The following IL1RAPL2 variants were observed in gnomAD, a reference collection of about 807,000 sequenced individuals.
IL1RAPL2 encodes X-linked interleukin-1 receptor accessory protein-like 2.
Under a neutral mutation model 44.1 loss-of-function variants are expected in IL1RAPL2, and 3 were observed. The observed-to-expected ratio is 0.07, with a 90% CI of 0.03 to 0.18. The LOEUF is 0.18. Ranked by LOEUF, IL1RAPL2 falls within the 10% of genes least tolerant of loss-of-function variation. The probability of loss-of-function intolerance (pLI) is 1.00; values close to 1 mark genes in which losing one functional copy is unlikely to be tolerated. For synonymous variants in IL1RAPL2, 181 were observed against 178.8 expected, an observed-to-expected ratio of 1.01 and a Z score of -0.10; for missense variants, 391 against 496.4, an observed-to-expected ratio of 0.79 and a Z score of 2.02.
chrX:105,505,372 T>A (rs1284275269), intron 6 of IL1RAPL2, among the ~76,000 whole-genome samples: 1 of 111,547 alleles, frequency 9.0e-6, no homozygotes, highest in African/African-American at 3.3e-5. Flanking sequence ...TACATAAATA[T>A]AAAATTACAA....
chrX:105,158,165 G>C (rs1317225920), intron 2 of IL1RAPL2, among the ~76,000 whole-genome samples: 1 of 109,381 alleles, frequency 9.1e-6, no homozygotes, highest in Non-Finnish European at 1.9e-5. Context: ...AGACCATCCT[G>C]GCTAACACAG....
chrX:104,964,688 A>C (rs995878138), intron 2 of IL1RAPL2, among the ~76,000 whole-genome samples: 2 of 111,654 alleles, frequency 1.8e-5, no homozygotes, highest in African/African-American at 6.5e-5. Context: ...CATCAAAGAC[A>C]AACAGATATG....
chrX:105,537,489 C>A (rs1475877158), intron 6 of IL1RAPL2, among the ~76,000 whole-genome samples: 1 of 111,652 alleles, frequency 9.0e-6, no homozygotes, highest in African/African-American at 3.3e-5. Flanking sequence ...AATGATTATT[C>A]TATATGTTTT....
intron 2 of IL1RAPL2, among the ~76,000 whole-genome samples, chrX:104,915,439 G>T (rs1304435770): frequency 9.0e-5 from 10 of 110,733 alleles, no homozygotes; most frequent in South Asian, 3.8e-4. Context: ...TAAATTTGTT[G>T]GAGTTCATTG....
chrX:105,192,785 G>A lies in IL1RAPL2; in HGVS notation c.83-2690G>A, dbSNP rs1021820381. Among the ~76,000 whole-genome samples the A allele has an allele frequency of 2.7e-5, 3 of 111,634 alleles. No homozygotes were observed. In the East Asian group the frequency reaches 8.5e-4, roughly 32 times the overall value. On this transcript the variant is annotated intron_variant, in intron 2 of 10. Coordinates refer to ENST00000372582, the MANE Select transcript of IL1RAPL2 (RefSeq NM_017416.2). ...CAAATACTAAGGGAAAAGAATAAATGGGGATAACGTTTAGAAATTATTTTC... is the reference window on the plus strand; with the variant it reads ...CAAATACTAAGGGAAAAGAATAAATAGGGATAACGTTTAGAAATTATTTTC...
chrX:104,911,315 A>G (rs1056055039), intron 2 of IL1RAPL2, among the ~76,000 whole-genome samples: 3 of 112,201 alleles, frequency 2.7e-5, no homozygotes, highest in African/African-American at 9.7e-5. Context: ...CATAACCATC[A>G]TAAAACCAGG....
intron 1 of IL1RAPL2, among the ~76,000 whole-genome samples, chrX:104,629,424 T>C (rs1926738865): frequency 8.9e-6 from 1 of 112,173 alleles, no homozygotes. Context: ...GTGTATTCTG[T>C]ATATTAGTCT....
At chrX:104,717,601 C>T (rs1931595206) in intron 2 of IL1RAPL2, among the ~76,000 whole-genome samples, 1 of 110,078 alleles carries the variant, frequency 9.1e-6, no homozygotes, top group African/African-American at 3.3e-5. Flanking sequence ...ACTCAATCAA[C>T]AAACACATTC....
At chrX:104,932,413 T>TAC (rs755020312) in intron 2 of IL1RAPL2, among the ~76,000 whole-genome samples, 65 of 110,418 alleles carry the variant, frequency 5.9e-4, no homozygotes, top group Middle Eastern at 4.7e-3. Flanking sequence ...AAATCACACA[T>TAC]ACACACACAC....
chrX:104,582,612 CTT>C (rs1178012617), intron 1 of IL1RAPL2, among the ~76,000 whole-genome samples: 3 of 31,144 alleles, frequency 9.6e-5, no homozygotes, highest in African/African-American at 3.3e-4. Flanking sequence ...TTCTTTCTTT[CTT>C]TCTTTCTTTC....
intron 2 of IL1RAPL2, among the ~76,000 whole-genome samples, chrX:104,949,731 G>A (rs1419073531): frequency 1.8e-5 from 2 of 111,306 alleles, no homozygotes; most frequent in African/African-American, 6.6e-5. Context: ...GAGCAGTTTT[G>A]AGTGACTTTC....
At chrX:104,728,839 C>A (rs150329945) in intron 2 of IL1RAPL2, among the ~76,000 whole-genome samples, 7,167 of 111,597 alleles carry the variant, frequency 0.064, 226 homozygotes, top group Non-Finnish European at 0.099. Context: ...TTAAGCCACT[C>A]AGTTTGTGGT....
chrX:104,856,243 A>G (rs1424804612), intron 2 of IL1RAPL2, among the ~76,000 whole-genome samples: 5 of 112,265 alleles, frequency 4.5e-5, no homozygotes, highest in Non-Finnish European at 9.4e-5. Context: ...TCTTATGGAA[A>G]AGTTCTCTAA....
At chrX:104,988,256 C>G (rs1296864813) in intron 2 of IL1RAPL2, among the ~76,000 whole-genome samples, 2 of 112,192 alleles carry the variant, frequency 1.8e-5, no homozygotes, top group Admixed American at 9.4e-5. Flanking sequence ...TCTGAATTGA[C>G]AGCTGTCACC....
At chrX:104,633,094 A>G (rs1339463900) in intron 1 of IL1RAPL2, among the ~76,000 whole-genome samples, 4 of 111,671 alleles carry the variant, frequency 3.6e-5, no homozygotes, top group Admixed American at 9.6e-5. Context: ...ATCTAGTGAG[A>G]TAATCGTATG....
intron 2 of IL1RAPL2, among the ~76,000 whole-genome samples, chrX:104,819,148 G>A (rs960765111): frequency 4.5e-5 from 5 of 112,342 alleles, no homozygotes; most frequent in Non-Finnish European, 7.5e-5. Flanking sequence ...AACATACACA[G>A]ATGCTTCTCA....
intron 5 of IL1RAPL2, among the ~76,000 whole-genome samples, chrX:105,274,740 GAGGAA>G: frequency 1.8e-5 from 2 of 112,010 alleles, no homozygotes; most frequent in Middle Eastern, 4.6e-3. Context: ...AGAGAAAGAA[GAGGAA>G]AGGAGAGGAG....
At chrX:105,366,278 C>CT (rs1367960919) in intron 5 of IL1RAPL2, among the ~76,000 whole-genome samples, 1 of 110,965 alleles carries the variant, frequency 9.0e-6, no homozygotes, top group Non-Finnish European at 1.9e-5. Context: ...GTTAGTCTAG[C>CT]TAAAGTTATG....
intron 2 of IL1RAPL2, among the ~76,000 whole-genome samples, chrX:105,178,090 A>G (rs187126744): frequency 9.0e-6 from 1 of 111,670 alleles, no homozygotes; most frequent in African/African-American, 3.3e-5. Flanking sequence ...CTTCTATCTA[A>G]CCATATGTTT....
Sources: gnomAD v4.1 joint callset for allele counts (sites outside exome capture counted in the v4.1 genomes callset) on GRCh38, gnomAD v4.1.1 for gene constraint, MANE v1.5 for transcripts, NCBI Gene and HGNC (gene_info 2026-07-23, HGNC 2026-07-21) for gene names.